PCNX4: variants seen among roughly 807,000 people sequenced by gnomAD.
PCNX4 encodes the protein pecanex-like protein 4.
Under a neutral mutation model 107.2 loss-of-function variants are expected in PCNX4, and 103 were observed. The observed-to-expected ratio is 0.96, with a 90% CI of 0.82 to 1.13. The LOEUF is 1.13. Among genes scored for constraint, PCNX4 ranks in the 50% most tolerant of loss-of-function variants. The pLI is 0.00. For synonymous variants in PCNX4, 541 were observed against 481.7 expected, an observed-to-expected ratio of 1.12 and a Z score of -1.61; for missense variants, 1,528 against 1,379.4, an observed-to-expected ratio of 1.11 and a Z score of -1.71.
chr14:60,128,354 TTG>T (rs1896093412), intron 10 of PCNX4, among the ~76,000 whole-genome samples: 1 of 152,140 alleles, frequency 6.6e-6, no homozygotes, highest in Non-Finnish European at 1.5e-5. Flanking sequence ...TAAAAACTAC[TTG>T]TACATTTTAA....
chr14:60,099,181 T>C (rs994398582), intron 1 of PCNX4, among the ~76,000 whole-genome samples: 13 of 152,156 alleles, frequency 8.5e-5, no homozygotes, highest in African/African-American at 2.9e-4. Context: ...CAACTGAAAA[T>C]TAAGTTCTTT....
chr14:60,105,150 A>G (rs965355839), intron 1 of PCNX4, among the ~76,000 whole-genome samples: 1 of 152,194 alleles, frequency 6.6e-6, no homozygotes, highest in Non-Finnish European at 1.5e-5. Context: ...AGAATTTTGG[A>G]TATTCAGATT....
At position 60,135,352 on chromosome 14, in the gene PCNX4, TAATG is replaced by T. The variant is rs1413170331; in HGVS notation, c.*1135_*1138del. 1.3e-5 allele frequency: 2 copies of T among 152,202 alleles called. No individual in the cohort carries two copies. The highest frequency in any genetic ancestry group is 4.8e-5 in the African/African-American group (2 of 41,456). 9.4% of individuals were successfully genotyped at this position (152,202 alleles called of 1,614,324 possible). A position where few individuals can be genotyped will look rare whatever the true frequency, so the allele number is the denominator to read the frequency against. ...TAAACTTTTTGGACCAATTTTCAGT[TAATG>T]AATTCAAGAGATTTGTATGTTATTC... is the stretch of plus-strand genomic sequence containing the variant. On this transcript the variant is annotated 3_prime_UTR_variant, in exon 11 of 11. Transcript: ENST00000406854.
In PCNX4 at chr14:60,137,251, T is replaced by A. The variant is rs1302593670; in HGVS notation, c.*3030T>A. On this transcript the variant is annotated 3_prime_UTR_variant, in exon 11 of 11. Transcript: ENST00000406854. ...GTGGTTGAGAGTCTGAGACGCTAAG[T>A]AACACTTATAACAGCCTTGCTGCTG... 2 of 152,136 alleles carry A rather than the reference T, an allele frequency of 1.3e-5. No individual in the cohort carries two copies. The highest frequency in any genetic ancestry group is 2.9e-5 in the Non-Finnish European group (2 of 68,048). The allele number at this position is 152,136 out of a possible 1,614,324, so 9.4% of individuals were successfully genotyped here.
At chr14:60,125,593 G>A in intron 9 of PCNX4, 44 bp from the exon 10 acceptor site, 2 of 1,298,488 alleles carry the variant, frequency 1.5e-6, no homozygotes, top group Non-Finnish European at 2.0e-6. Context: ...CTTTAAAGTT[G>A]ACAGCAAATA....
At chr14:60,113,380 T>C (rs1272805369) in intron 2 of PCNX4, among the ~76,000 whole-genome samples, 1 of 152,128 alleles carries the variant, frequency 6.6e-6, no homozygotes, top group Non-Finnish European at 1.5e-5. Context: ...CTACTACTAC[T>C]ATTTTGAAAC....
rs1305669078 is a variant in PCNX4 at position 60,125,044 on chromosome 14, T to C, written c.2873T>C (p.Leu958Pro). 6 of 1,613,580 alleles carry C rather than the reference T, an allele frequency of 3.7e-6. No individual in the cohort carries two copies. The change falls in exon 9 of 11, where the codon CTG becomes CCG. Residue 958 changes from leucine to proline, a missense_variant. Leu to Pro is a moderately conservative substitution (Grantham distance 98). Transcript: ENST00000406854. ...YHSEEKASNV[L>P]EEIAKDKVLK... ...TCAGAAGAGAAGGCCTCAAATGTAC[T>C]GGAAGAAATTGCCAAGGACAAAGTT...
intron 2 of PCNX4, chr14:60,110,917 G>A (rs1267858076): frequency 6.0e-6 from 1 of 167,030 alleles, no homozygotes; most frequent in African/African-American, 2.4e-5. Flanking sequence ...TTGGTATTTG[G>A]AGATGGGCCT....
chr14:60,121,306 G>C lies in PCNX4; in HGVS notation c.2046+7G>C. ...CTGCTCTATTAACATTAAGGTCAGT[G>C]TGCATATAAAACATCTGTAGTATTT... On this transcript the variant is annotated splice_region_variant and intron_variant, in intron 8 of 10. Coordinates refer to ENST00000406854, the MANE Select transcript of PCNX4 (RefSeq NM_001330177.2). 6.2e-7 allele frequency: 1 copy of C among 1,605,708 alleles called. No homozygotes were observed. Among genetic ancestry groups the C allele is most frequent in the Non-Finnish European group, 8.5e-7 (1 of 1,176,324 alleles).
chr14:60,125,750 C>A lies in PCNX4; in HGVS notation c.3194C>A (p.Ser1065Tyr), dbSNP rs1201189844. 6.2e-7 allele frequency: 1 copy of A among 1,611,072 alleles called. No individual in the cohort carries two copies. The highest frequency in any genetic ancestry group is 8.5e-7 in the Non-Finnish European group (1 of 1,178,592). ...YERDWYIGLV[S>Y]DEKWKEAILQ... The stretch of plus-strand genomic sequence containing the variant: ...CGTGACTGGTACATTGGTTTGGTAT[C>A]TGATGAAAAGTGGAAGGAAGCAATT... Residue 1065 changes from serine (S) to tyrosine (Y), a missense_variant, in exon 10 of 11, where the codon TCT becomes TAT. Transcript: ENST00000406854.
rs747375603 is a variant in PCNX4, at chr14:60,107,966, T to G, written c.328T>G (p.Leu110Val). 1 of 1,612,846 alleles carries G rather than the reference T, an allele frequency of 6.2e-7. No homozygotes were observed. Among genetic ancestry groups the G allele is most frequent in the African/African-American group, 1.3e-5 (1 of 75,052 alleles). ...TVERILTTDILAEEDEHEFTS... is the reference protein window; with the variant it reads ...TVERILTTDIVAEEDEHEFTS... Reference sequence around the variant, plus strand: ...AGAAAGAATACTAACCACGGATATCTTAGCAGAGGAGGATGAGCATGAATT... The same window carrying G: ...AGAAAGAATACTAACCACGGATATCGTAGCAGAGGAGGATGAGCATGAATT... Residue 110 changes from leucine (L) to valine (V), a missense_variant, in exon 2 of 11, where the codon TTA becomes GTA. Physicochemically the swap from Leu to Val is conservative, Grantham distance 32 (BLOSUM62 1). Transcript: ENST00000406854.
chr14:60,119,580 AAT>A (rs1895917071), intron 7 of PCNX4, among the ~76,000 whole-genome samples: 1 of 151,902 alleles, frequency 6.6e-6, no homozygotes, highest in Non-Finnish European at 1.5e-5. Context: ...ATGTTTTGTG[AAT>A]AGTCATTTGT....
At chr14:60,119,569 G>T (rs1895916916) in intron 7 of PCNX4, among the ~76,000 whole-genome samples, 1 of 152,132 alleles carries the variant, frequency 6.6e-6, no homozygotes, top group African/African-American at 2.4e-5. Flanking sequence ...TTGTACTACA[G>T]ATGTTTTGTG....
chr14:60,108,328 G>T lies in PCNX4; in HGVS notation c.689+1G>T. 1 of 1,589,372 alleles carries T rather than the reference G, an allele frequency of 6.3e-7. No homozygotes were observed. Among genetic ancestry groups the T allele is most frequent in the Non-Finnish European group, 8.6e-7 (1 of 1,167,042 alleles). On this transcript the variant is annotated splice_donor_variant, in intron 2 of 10. Coordinates refer to ENST00000406854, the MANE Select transcript of PCNX4 (RefSeq NM_001330177.2). LOFTEE classifies it high-confidence loss of function. Reference sequence around the variant, plus strand: ...TTGTTTCTGTGGATCTGGCACACAGGTAAAAACCTACCAAATACTTTGTAA... The same window carrying T: ...TTGTTTCTGTGGATCTGGCACACAGTTAAAAACCTACCAAATACTTTGTAA...
At chr14:60,130,004 A>T (rs921882768) in intron 10 of PCNX4, among the ~76,000 whole-genome samples, 7 of 152,192 alleles carry the variant, frequency 4.6e-5, no homozygotes, top group Admixed American at 1.3e-4. Context: ...CTATTTCAGT[A>T]ATAAAATTAA....
intron 8 of PCNX4, among the ~76,000 whole-genome samples, chr14:60,123,228 T>C (rs1028239310): frequency 6.6e-6 from 1 of 152,322 alleles, no homozygotes; most frequent in African/African-American, 2.4e-5. Flanking sequence ...TTTAAAAATA[T>C]ACTTTTTGGT....
In PCNX4 at chr14:60,124,929, T is replaced by C; in HGVS notation, c.2758T>C (p.Cys920Arg). 1 of 1,613,882 alleles carries C rather than the reference T, an allele frequency of 6.2e-7. No individual in the cohort carries two copies. The highest frequency in any genetic ancestry group is 8.5e-7 in the Non-Finnish European group (1 of 1,179,786). The change falls in exon 9 of 11, where the codon TGT becomes CGT. Residue 920 changes from cysteine (C) to arginine (R), a missense_variant. Transcript: ENST00000406854. ...CTTACCCGCAGAGTGGAGGACTAGC[T>C]GTATGCCCAGTTCCAAAATGAAGGA... is the stretch of plus-strand genomic sequence containing the variant. Reference protein sequence around the residue: ...VCLPAEWRTSCMPSSKMKEMS... With the variant: ...VCLPAEWRTSRMPSSKMKEMS...
intron 1 of PCNX4, among the ~76,000 whole-genome samples, chr14:60,098,563 A>G (rs1432854370): frequency 6.6e-6 from 1 of 152,226 alleles, no homozygotes; most frequent in Non-Finnish European, 1.5e-5. Context: ...GTACTTGGGT[A>G]GACTTTCCTT....
chr14:60,102,015 T>G (rs1192841332), intron 1 of PCNX4, among the ~76,000 whole-genome samples: 3 of 152,324 alleles, frequency 2.0e-5, no homozygotes, highest in African/African-American at 7.2e-5. Flanking sequence ...GTGAGGTATC[T>G]AAAATAGACT....
Sources: allele counts gnomAD v4.1 joint callset (sites outside exome capture counted in the v4.1 genomes callset), GRCh38; gene constraint gnomAD v4.1.1; transcripts MANE v1.5; gene names NCBI Gene and HGNC (gene_info 2026-07-23, HGNC 2026-07-21).